The following PSD3 variants were observed in gnomAD, a reference collection of about 807,000 sequenced individuals.
PSD3 encodes the protein pleckstrin and Sec7 domain containing 3, also known as PH and SEC7 domain-containing protein 3.
Under a neutral mutation model 105.5 loss-of-function variants are expected in PSD3, and 49 were observed. The observed-to-expected ratio is 0.46, with a 90% CI of 0.37 to 0.59. PSD3 has a LOEUF of 0.59. Among genes scored for constraint, PSD3 ranks in the 20% least tolerant of loss-of-function variants. The probability of loss-of-function intolerance (pLI) is 0.00; values close to 1 mark genes in which losing one functional copy is unlikely to be tolerated. For missense variants in PSD3, 1,561 were observed against 1,263.8 expected, an observed-to-expected ratio of 1.24 and a Z score of -3.57; for synonymous variants, 557 against 457.8, an observed-to-expected ratio of 1.22 and a Z score of -2.77.
intron 1 of PSD3, among the ~76,000 whole-genome samples, chr8:18,997,201 G>T (rs1200279331): frequency 6.6e-6 from 1 of 151,780 alleles, no homozygotes; most frequent in South Asian, 2.1e-4. Flanking sequence ...CTGTAATCCA[G>T]ATAAATATAT....
intron 8 of PSD3, among the ~76,000 whole-genome samples, chr8:18,798,221 T>C (rs1360881325): frequency 6.6e-6 from 1 of 152,152 alleles, no homozygotes; most frequent in Non-Finnish European, 1.5e-5. Context: ...TTTTCATCTG[T>C]ATTATCTCTG....
At chr8:18,953,384 CAT>C (rs1314927179) in intron 1 of PSD3, among the ~76,000 whole-genome samples, 2 of 152,130 alleles carry the variant, frequency 1.3e-5, no homozygotes, top group African/African-American at 4.8e-5. Flanking sequence ...CAAGGCAACA[CAT>C]ATAAATATAT....
At chr8:18,564,394 C>T (rs963418548) in intron 14 of PSD3, among the ~76,000 whole-genome samples, 4 of 151,948 alleles carry the variant, frequency 2.6e-5, no homozygotes, top group East Asian at 1.9e-4. Flanking sequence ...TTTGGGAGGC[C>T]GATGCGGGCG....
intron 9 of PSD3, among the ~76,000 whole-genome samples, chr8:18,761,450 T>C (rs1442810401): frequency 6.6e-6 from 1 of 152,220 alleles, no homozygotes; most frequent in African/African-American, 2.4e-5. Context: ...CAATACTTAC[T>C]ATATGTGAGG....
chr8:18,714,495 A>G (rs935883092), intron 9 of PSD3, among the ~76,000 whole-genome samples: 2 of 152,168 alleles, frequency 1.3e-5, no homozygotes, highest in African/African-American at 4.8e-5. Flanking sequence ...ACTTCTCAAA[A>G]GTCATACGTG....
intron 11 of PSD3, among the ~76,000 whole-genome samples, chr8:18,603,105 GA>G (rs892003586): frequency 1.4e-4 from 22 of 152,196 alleles, no homozygotes; most frequent in Admixed American, 1.1e-3. Flanking sequence ...TCTTCCGTGA[GA>G]AAGTGTTTAC....
At chr8:18,775,589 C>G (rs1391540404) in intron 8 of PSD3, among the ~76,000 whole-genome samples, 4 of 152,182 alleles carry the variant, frequency 2.6e-5, no homozygotes, top group Non-Finnish European at 5.9e-5. Context: ...CCCTGTAACA[C>G]TGAACATCTA....
chr8:18,980,015 G>A (rs1239832341), intron 1 of PSD3, among the ~76,000 whole-genome samples: 1 of 152,166 alleles, frequency 6.6e-6, no homozygotes, highest in Non-Finnish European at 1.5e-5. Flanking sequence ...ATTATACACT[G>A]ATCTATGTTT....
chr8:18,995,653 T>C (rs1326578712), intron 1 of PSD3, among the ~76,000 whole-genome samples: 1 of 152,052 alleles, frequency 6.6e-6, no homozygotes, highest in Non-Finnish European at 1.5e-5. Context: ...GAAAGAGGTT[T>C]AATTGATGCA....
intron 2 of PSD3, among the ~76,000 whole-genome samples, chr8:18,921,884 G>A (rs1821045427): frequency 6.6e-6 from 1 of 152,172 alleles, no homozygotes; most frequent in South Asian, 2.1e-4. Flanking sequence ...ACTATTTCAT[G>A]TCAATGCCAA....
intron 9 of PSD3, chr8:18,684,239 CACACACACACA>C (rs1563169324): frequency 2.2e-4 from 48 of 222,768 alleles, no homozygotes; most frequent in African/African-American, 1.0e-3. Context: ...CACACACACA[CACACACACACA>C]CCCCATCATA....
intron 4 of PSD3, among the ~76,000 whole-genome samples, chr8:18,828,063 A>AT (rs1306784510): frequency 8.9e-6 from 1 of 112,132 alleles, no homozygotes; most frequent in Non-Finnish European, 1.8e-5. Flanking sequence ...ATATATATAT[A>AT]TATATTTTTT....
In PSD3 at chr8:18,804,921, A is replaced by C. The variant is rs760906887; in HGVS notation, c.1635-23T>G. On this transcript the variant is annotated intron_variant, in intron 4 of 15. Transcript: ENST00000327040. ...TTGCTATGATAATTGATAAAGAGAG[A>C]AAATAATAGATTTTTCTTATATGGC... 13 of 1,534,028 alleles carry C rather than the reference A, an allele frequency of 8.5e-6. No homozygotes were observed. The African/African-American group carries it at 1.8e-4, about 21-fold the overall frequency.
intron 12 of PSD3, among the ~76,000 whole-genome samples, chr8:18,577,451 A>G (rs1802530800): frequency 6.6e-6 from 1 of 151,914 alleles, no homozygotes; most frequent in Admixed American, 6.6e-5. Context: ...CTACTAGTTT[A>G]TCCCCTTCAG....
chr8:18,688,062 C>T (rs1033968425), intron 9 of PSD3, among the ~76,000 whole-genome samples: 7 of 152,080 alleles, frequency 4.6e-5, no homozygotes, highest in Non-Finnish European at 7.4e-5. Flanking sequence ...AGCCACTACG[C>T]TTGGTCTATT....
intron 1 of PSD3, among the ~76,000 whole-genome samples, chr8:18,998,592 CAGA>C (rs1479711746): frequency 2.6e-5 from 4 of 152,144 alleles, no homozygotes; most frequent in African/African-American, 7.2e-5. Context: ...GAGGCTGAGG[CAGA>C]AGAATCGCTT....
At chr8:18,832,474 C>T (rs1813756651) in intron 4 of PSD3, among the ~76,000 whole-genome samples, 1 of 152,278 alleles carries the variant, frequency 6.6e-6, no homozygotes, top group East Asian at 1.9e-4. Flanking sequence ...TTTCCCTACG[C>T]CGCTACTTCT....
intron 1 of PSD3, chr8:19,000,768 G>C (rs958083999): frequency 1.3e-5 from 2 of 152,020 alleles, no homozygotes; most frequent in Middle Eastern, 3.4e-3. Flanking sequence ...CTATTCTGCC[G>C]TTAGACGAAG....
At chr8:18,967,382 C>T (rs1404892552) in intron 1 of PSD3, among the ~76,000 whole-genome samples, 3 of 151,888 alleles carry the variant, frequency 2.0e-5, no homozygotes, top group South Asian at 2.1e-4. Context: ...CTCAAACTCC[C>T]GATCTAAGGT....
Sources: gnomAD v4.1 joint callset for allele counts (sites outside exome capture counted in the v4.1 genomes callset) on GRCh38, gnomAD v4.1.1 for gene constraint, MANE v1.5 for transcripts, NCBI Gene and HGNC (gene_info 2026-07-23, HGNC 2026-07-21) for gene names.